Variants in NOL4 observed in about 807,000 individuals in gnomAD.
NOL4 encodes nucleolar protein 4.
In NOL4, 17 loss-of-function variants were observed where a neutral mutation model predicts 75.9. The ratio of observed to expected loss-of-function variants is 0.22; its 90% confidence interval spans 0.15 to 0.34. The LOEUF (loss-of-function observed/expected upper bound fraction) is 0.34, where lower values mean the gene tolerates loss of function less well. Among genes scored for constraint, NOL4 ranks in the 10% least tolerant of loss-of-function variants. NOL4 has a pLI of 1.00. For missense variants in NOL4, 614 were observed against 793.5 expected, an observed-to-expected ratio of 0.77 and a Z score of 2.72; for synonymous variants, 292 against 289.9, an observed-to-expected ratio of 1.01 and a Z score of -0.07.
rs1473975890 is a variant in NOL4 at position 33,882,022 on chromosome 18, A to G, written c.1723+1222T>C. Among the ~76,000 whole-genome samples the G allele has an allele frequency of 9.9e-5, 15 of 152,244 alleles. 1 individual carries two copies. The highest frequency in any genetic ancestry group is 2.9e-5 in the Non-Finnish European group (2 of 68,050). On this transcript the variant is annotated intron_variant, in intron 10 of 10. Coordinates refer to ENST00000261592, the MANE Select transcript of NOL4 (RefSeq NM_003787.5). ...GCCATATGTAGAAAGCTGAAACTGG[A>G]TCTCTTCCTTACACCTTACACAAAA...
chr18:34,171,566 G>C (rs1881080535), intron 1 of NOL4, among the ~76,000 whole-genome samples: 1 of 152,126 alleles, frequency 6.6e-6, no homozygotes. Context: ...TCAAATACCT[G>C]AATGACCATA....
chr18:34,061,820 G>A (rs1010011171), intron 5 of NOL4, among the ~76,000 whole-genome samples: 12 of 152,108 alleles, frequency 7.9e-5, no homozygotes, highest in East Asian at 7.7e-4. Context: ...AAGGGATCAC[G>A]TCTTAAATAT....
intron 10 of NOL4, among the ~76,000 whole-genome samples, chr18:33,871,451 G>A (rs1417052990): frequency 6.6e-6 from 1 of 152,010 alleles, no homozygotes; most frequent in African/African-American, 2.4e-5. Flanking sequence ...AGATCCCCAG[G>A]AGAACCCCTT....
At chr18:33,983,599 T>C (rs1169712137) in intron 6 of NOL4, among the ~76,000 whole-genome samples, 2 of 151,812 alleles carry the variant, frequency 1.3e-5, no homozygotes, top group African/African-American at 4.8e-5. Flanking sequence ...AGGAGGTGCA[T>C]ACACACATAT....
intron 6 of NOL4, among the ~76,000 whole-genome samples, chr18:34,016,570 C>G (rs2074707106): frequency 6.6e-6 from 1 of 152,020 alleles, no homozygotes; most frequent in South Asian, 2.1e-4. Flanking sequence ...TGGCTCTGTG[C>G]CTTAAAACAT....
intron 5 of NOL4, among the ~76,000 whole-genome samples, chr18:34,079,070 C>T (rs1051548460): frequency 2.6e-5 from 4 of 152,128 alleles, no homozygotes; most frequent in African/African-American, 7.2e-5. Context: ...AAATGAAGCT[C>T]GCTTAGCCAA....
intron 5 of NOL4, among the ~76,000 whole-genome samples, chr18:34,086,711 A>G (rs1447501893): frequency 3.3e-5 from 5 of 152,102 alleles, no homozygotes; most frequent in African/African-American, 1.2e-4. Flanking sequence ...ATTCACATAT[A>G]AACTGGGCAG....
rs773801401 is a variant in NOL4, at chr18:34,223,277, C to G, written c.-24G>C. On this transcript the variant is annotated 5_prime_UTR_variant, in exon 1 of 11. Transcript: ENST00000261592. ...ATGTTCCCCGCGCTCGGCCGCTGGCCGGATGCTCCCAGCGCACTTCGCACC... is the reference window on the plus strand; with the variant it reads ...ATGTTCCCCGCGCTCGGCCGCTGGCGGGATGCTCCCAGCGCACTTCGCACC... 8.7e-6 allele frequency: 14 copies of G among 1,609,792 alleles called. No individual in the cohort carries two copies. The East Asian group carries it at 3.1e-4, about 36-fold the overall frequency.
At chr18:33,866,636 T>C (rs2063442070) in intron 10 of NOL4, among the ~76,000 whole-genome samples, 1 of 152,152 alleles carries the variant, frequency 6.6e-6, no homozygotes, top group African/African-American at 2.4e-5. Flanking sequence ...TAACTAATCC[T>C]TTGATAAATC....
At chr18:33,869,922 T>G (rs1036674745) in intron 10 of NOL4, among the ~76,000 whole-genome samples, 1 of 152,124 alleles carries the variant, frequency 6.6e-6, no homozygotes, top group Non-Finnish European at 1.5e-5. Context: ...GACAGCATAA[T>G]TTCTTGTATA....
intron 5 of NOL4, among the ~76,000 whole-genome samples, chr18:34,035,658 A>C (rs2144723435): frequency 6.6e-6 from 1 of 152,178 alleles, no homozygotes; most frequent in East Asian, 1.9e-4. Flanking sequence ...TAAATGAAAT[A>C]GAGACTAACA....
At chr18:33,929,418 C>T (rs2067539962) in intron 9 of NOL4, among the ~76,000 whole-genome samples, 1 of 152,126 alleles carries the variant, frequency 6.6e-6, no homozygotes, top group Non-Finnish European at 1.5e-5. Context: ...ATTCCTCAGG[C>T]AGTTAGCAAT....
At chr18:34,053,726 A>T (rs2145012388) in intron 5 of NOL4, among the ~76,000 whole-genome samples, 1 of 152,122 alleles carries the variant, frequency 6.6e-6, no homozygotes, top group Non-Finnish European at 1.5e-5. Flanking sequence ...AATGTTTAAT[A>T]ACCAGTTTCC....
intron 4 of NOL4, among the ~76,000 whole-genome samples, chr18:34,094,613 T>C (rs1049522641): frequency 2.6e-5 from 4 of 152,344 alleles, no homozygotes; most frequent in Non-Finnish European, 4.4e-5. Context: ...GGTATACTTA[T>C]ACAGGCTGGA....
At chr18:33,913,232 C>T (rs1300833199) in intron 9 of NOL4, among the ~76,000 whole-genome samples, 2 of 152,116 alleles carry the variant, frequency 1.3e-5, no homozygotes, top group African/African-American at 2.4e-5. Context: ...TAGTCTTCCC[C>T]TTCCCTCTTC....
At chr18:33,999,540 G>T (rs1156449082) in intron 6 of NOL4, among the ~76,000 whole-genome samples, 1 of 152,032 alleles carries the variant, frequency 6.6e-6, no homozygotes, top group African/African-American at 2.4e-5. Context: ...TGGGAGTGGA[G>T]TACCTGTGTG....
intron 9 of NOL4, among the ~76,000 whole-genome samples, chr18:33,890,963 A>T (rs2065056943): frequency 6.6e-6 from 1 of 151,938 alleles, no homozygotes; most frequent in South Asian, 2.1e-4. Flanking sequence ...ACGACACCTC[A>T]CACACTATCC....
At chr18:34,008,545 C>G (rs981099861) in intron 6 of NOL4, among the ~76,000 whole-genome samples, 2 of 151,778 alleles carry the variant, frequency 1.3e-5, no homozygotes, top group African/African-American at 4.8e-5. Flanking sequence ...TTGTCTCATA[C>G]GTGAAAATGT....
At chr18:34,047,343 A>G (rs1201677409) in intron 5 of NOL4, among the ~76,000 whole-genome samples, 1 of 152,130 alleles carries the variant, frequency 6.6e-6, no homozygotes, top group Non-Finnish European at 1.5e-5. Flanking sequence ...CATTACTAGC[A>G]GGATTTTACA....
Sources: allele counts gnomAD v4.1 joint callset (sites outside exome capture counted in the v4.1 genomes callset), GRCh38; gene constraint gnomAD v4.1.1; transcripts MANE v1.5; gene names NCBI Gene and HGNC (gene_info 2026-07-23, HGNC 2026-07-21).